Variants in ALG13 observed in about 807,000 individuals in gnomAD.
The protein encoded by ALG13 is ALG13 UDP-N-acetylglucosaminyltransferase subunit, also known as UDP-N-acetylglucosamine transferase subunit ALG13.
Under a neutral mutation model 87.8 loss-of-function variants are expected in ALG13, and 11 were observed. The ratio of observed to expected loss-of-function variants is 0.13; its 90% confidence interval spans 0.08 to 0.21. ALG13 has a LOEUF of 0.21. ALG13 is among the 10% of genes least tolerant of loss of function. ALG13 has a pLI of 1.00. For missense variants in ALG13, 756 were observed against 866.1 expected, an observed-to-expected ratio of 0.87 and a Z score of 1.60; for synonymous variants, 320 against 306.3, an observed-to-expected ratio of 1.04 and a Z score of -0.47.
In ALG13 at chrX:111,687,898, G is replaced by A. The variant is rs746639246; in HGVS notation, c.383+2795G>A. ...TTCTTTTGTTTTAGCACGCTTCCTG[G>A]GCTGTTACAGTCAATGGACTTATCA... On this transcript the variant is annotated intron_variant, in intron 3 of 26. Coordinates refer to ENST00000394780, the MANE Select transcript of ALG13 (RefSeq NM_001099922.3). 8 of 1,155,184 alleles carry A rather than the reference G, an allele frequency of 6.9e-6. No individual in the cohort carries two copies. In the East Asian group the frequency reaches 2.6e-4, roughly 38 times the overall value.
chrX:111,756,681 T>C (rs985401661), intron 25 of ALG13, among the ~76,000 whole-genome samples: 1 of 112,076 alleles, frequency 8.9e-6, no homozygotes, highest in Non-Finnish European at 1.9e-5. Context: ...TGTCAGATGA[T>C]GATAAACTCT....
chrX:111,740,896 A>G (rs1358924900), intron 23 of ALG13, among the ~76,000 whole-genome samples: 3 of 112,579 alleles, frequency 2.7e-5, no homozygotes, highest in Admixed American at 9.4e-5. Flanking sequence ...CCTTCCTTAT[A>G]TGAACTATAC....
intron 23 of ALG13, 86 bp from the exon 24 acceptor site, chrX:111,744,582 A>T: frequency 9.9e-7 from 1 of 1,007,878 alleles, no homozygotes; most frequent in Non-Finnish European, 1.4e-6. Flanking sequence ...CTTTGACCAT[A>T]CTGGAGACAA....
intron 3 of ALG13, among the ~76,000 whole-genome samples, chrX:111,693,164 CTTTTTTTT>C (rs61239915): frequency 3.6e-5 from 2 of 55,113 alleles, no homozygotes; most frequent in African/African-American, 6.5e-5. Context: ...GTTTTTAATT[CTTTTTTTT>C]TTTTTTTTTT....
chrX:111,728,360 C>T, intron 19 of ALG13, 55 bp downstream of exon 19: 1 of 1,181,149 alleles, frequency 8.5e-7, no homozygotes, highest in South Asian at 1.9e-5. Flanking sequence ...ATTAGCACAT[C>T]AGGCCAGTGA....
At chrX:111,725,219 T>C (rs1420870540) in intron 15 of ALG13, among the ~76,000 whole-genome samples, 158 bp downstream of exon 15, 1 of 112,099 alleles carries the variant, frequency 8.9e-6, no homozygotes, top group Non-Finnish European at 1.9e-5. Context: ...ACTACTTCAC[T>C]GTCGGGGGTT....
intron 24 of ALG13, among the ~76,000 whole-genome samples, chrX:111,749,527 A>T (rs2148445092): frequency 9.1e-6 from 1 of 110,247 alleles, no homozygotes; most frequent in East Asian, 2.8e-4. Context: ...TCTGGAAATT[A>T]GGGATTGTGT....
chrX:111,712,468 C>T lies in ALG13; in HGVS notation c.886-16C>T, dbSNP rs780688383. ...ACAGAATGTTTTTTAAAACTCAATA[C>T]ACTATTTATGTTTAGGAAAGTGCTG... On this transcript the variant is annotated splice_polypyrimidine_tract_variant and intron_variant, in intron 6 of 26. Transcript: ENST00000394780. The T allele has an allele frequency of 8.1e-6, 9 of 1,109,508 alleles. No individual in the cohort carries two copies. Among genetic ancestry groups the T allele is most frequent in the East Asian group, 3.3e-5 (1 of 30,626 alleles). The allele number at this position is 1,109,508 out of a possible 1,213,427, so 91.4% of individuals were successfully genotyped here.
At chrX:111,756,156 C>A (rs1264137793) in intron 25 of ALG13, among the ~76,000 whole-genome samples, 1 of 111,848 alleles carries the variant, frequency 8.9e-6, no homozygotes, top group Admixed American at 9.5e-5. Context: ...CAAACTATCA[C>A]AAGGACAGAA....
At position 111,724,010 on chromosome X, in the gene ALG13, A is replaced by C. The variant is rs999822979; in HGVS notation, c.1601+112A>C. The C allele has an allele frequency of 1.1e-4, 50 of 474,233 alleles. No individual in the cohort carries two copies. The African/African-American group carries it at 1.1e-3, about 10-fold the overall frequency. 39.1% of individuals were successfully genotyped at this position (474,233 alleles called of 1,213,427 possible). A position where few individuals can be genotyped will look rare whatever the true frequency, so the allele number is the denominator to read the frequency against. On this transcript the variant is annotated intron_variant, in intron 14 of 26. Coordinates refer to ENST00000394780, the MANE Select transcript of ALG13 (RefSeq NM_001099922.3). The stretch of plus-strand genomic sequence containing the variant: ...TAGTAAGAGAACCAGAATTGTATCT[A>C]CTGTTGGCCTAGGATGACTTATCTT...
At chrX:111,752,097 T>C (rs929165671) in intron 24 of ALG13, among the ~76,000 whole-genome samples, 28 of 111,767 alleles carry the variant, frequency 2.5e-4, no homozygotes, top group African/African-American at 9.1e-4. Context: ...TAGTCTGTAC[T>C]GTATATAAGT....
chrX:111,742,454 A>G (rs1157704398), intron 23 of ALG13, among the ~76,000 whole-genome samples: 2 of 111,252 alleles, frequency 1.8e-5, no homozygotes, highest in Admixed American at 1.9e-4. Context: ...AAAAAAAAAA[A>G]CAGTAATCAA....
intron 24 of ALG13, among the ~76,000 whole-genome samples, chrX:111,747,105 C>T (rs1275773232): frequency 1.8e-5 from 2 of 111,675 alleles, no homozygotes; most frequent in Non-Finnish European, 3.8e-5. Context: ...TATTAGTGTT[C>T]ATTCTTGCTC....
At chrX:111,724,549 C>T (rs1941755595) in intron 14 of ALG13, among the ~76,000 whole-genome samples, 3 of 112,114 alleles carry the variant, frequency 2.7e-5, no homozygotes, top group Non-Finnish European at 5.6e-5. Context: ...CACGTGCATC[C>T]ATGATCATAG....
At chrX:111,757,384 A>T (rs1412374717) in intron 25 of ALG13, 2 of 322,724 alleles carry the variant, frequency 6.2e-6, no homozygotes, top group Non-Finnish European at 1.1e-5. Context: ...TTTAAATATG[A>T]GATACAAATG....
Position 111,727,712 on chromosome X carries a change from A to G in ALG13, c.2189A>G (p.Glu730Gly). The change falls in exon 18 of 27, where the codon GAA (glutamate) becomes GGA (glycine). Residue 730 changes from glutamate to glycine, a missense_variant. Glu to Gly is a moderately conservative substitution (Grantham distance 98, BLOSUM62 -2). Transcript: ENST00000394780. Reference protein sequence around the residue: ...GNGQMPRGLEETITFYEVEEG... With the variant: ...GNGQMPRGLEGTITFYEVEEG... ...GGACAGATGCCCAGGGGCTTGGAAG[A>G]AACTATTACTTTTTATGAAGTTGAA... 1 of 1,210,125 alleles carries G rather than the reference A, an allele frequency of 8.3e-7. No individual in the cohort carries two copies. Among genetic ancestry groups the G allele is most frequent in the Non-Finnish European group, 1.1e-6 (1 of 894,719 alleles).
At chrX:111,689,362 C>T (rs1569511961) in intron 3 of ALG13, 1 of 751,816 alleles carries the variant, frequency 1.3e-6, no homozygotes, top group East Asian at 1.5e-4. Context: ...TTATGTTGGT[C>T]ACTTAGTTTT....
intron 24 of ALG13, among the ~76,000 whole-genome samples, chrX:111,746,237 A>G (rs1185415766): frequency 1.8e-5 from 2 of 111,912 alleles, no homozygotes; most frequent in Non-Finnish European, 1.9e-5. Flanking sequence ...CTTTTAACAT[A>G]TGCATGCATG....
intron 11 of ALG13, among the ~76,000 whole-genome samples, chrX:111,721,069 TTAAG>T (rs1465574497): frequency 1.7e-4 from 17 of 102,814 alleles, no homozygotes; most frequent in African/African-American, 5.9e-4. Flanking sequence ...TTTTTTTTTT[TTAAG>T]AAGGAAGAAA....
Sources: gnomAD v4.1 joint callset for allele counts (sites outside exome capture counted in the v4.1 genomes callset) on GRCh38, gnomAD v4.1.1 for gene constraint, MANE v1.5 for transcripts, NCBI Gene and HGNC (gene_info 2026-07-23, HGNC 2026-07-21) for gene names.